VWA8: variants seen among roughly 807,000 people sequenced by gnomAD.
VWA8 encodes von Willebrand factor A domain containing 8.
A neutral mutation model predicts 241.5 loss-of-function variants in VWA8; 221 were observed. That is an observed-to-expected ratio of 0.91 (90% CI 0.82 to 1.02). VWA8 has a LOEUF of 1.02. Among genes scored for constraint, VWA8 ranks in the 50% least tolerant of loss-of-function variants. The probability of loss-of-function intolerance (pLI) is 0.00; values close to 1 mark genes in which losing one functional copy is unlikely to be tolerated. For missense variants in VWA8, 2,322 were observed against 2,328.7 expected (o/e 1.00, Z 0.06); for synonymous variants, 852 against 827.1 (o/e 1.03, Z -0.52).
chr13:41,711,645 C>T (rs1159909065), intron 26 of VWA8, among the ~76,000 whole-genome samples: 1 of 152,090 alleles, frequency 6.6e-6, no homozygotes, highest in East Asian at 1.9e-4. Flanking sequence ...GAGGCCAAGG[C>T]GGGCAGATCA....
intron 21 of VWA8, among the ~76,000 whole-genome samples, chr13:41,748,448 C>T (rs1431181115): frequency 1.3e-5 from 2 of 151,966 alleles, no homozygotes; most frequent in Non-Finnish European, 2.9e-5. Flanking sequence ...GGCGATATCC[C>T]CTTTATCATT....
At chr13:41,748,802 C>G (rs941295161) in intron 21 of VWA8, among the ~76,000 whole-genome samples, 3 of 152,222 alleles carry the variant, frequency 2.0e-5, no homozygotes, top group South Asian at 4.1e-4. Flanking sequence ...AACTGGCTAG[C>G]CATATGTAGA....
At chr13:41,698,038 T>G (rs2045226531) in intron 29 of VWA8, among the ~76,000 whole-genome samples, 2 of 152,252 alleles carry the variant, frequency 1.3e-5, no homozygotes, top group South Asian at 4.1e-4. Flanking sequence ...CTAAAATCTT[T>G]GTTTAAATAT....
At chr13:41,958,252 T>G (rs1449823984) in intron 1 of VWA8, among the ~76,000 whole-genome samples, 6 of 152,190 alleles carry the variant, frequency 3.9e-5, no homozygotes, top group Non-Finnish European at 8.8e-5. Context: ...AAACGACAAT[T>G]CCAGCCTCTC....
At chr13:41,741,636 A>C (rs760704030) in intron 21 of VWA8, among the ~76,000 whole-genome samples, 2 of 152,216 alleles carry the variant, frequency 1.3e-5, no homozygotes, top group Non-Finnish European at 2.9e-5. Flanking sequence ...TGCCTTCAAC[A>C]TTGTAGGCAT....
chr13:41,905,433 T>C (rs150793164), intron 4 of VWA8, among the ~76,000 whole-genome samples: 27 of 152,190 alleles, frequency 1.8e-4, no homozygotes, highest in Admixed American at 5.9e-4. Context: ...CCTGGTAAAA[T>C]TATACTATAA....
At chr13:41,848,715 C>T (rs1297542838) in intron 12 of VWA8, among the ~76,000 whole-genome samples, 2 of 152,204 alleles carry the variant, frequency 1.3e-5, no homozygotes, top group African/African-American at 2.4e-5. Context: ...TTAAAATTAA[C>T]TAGTCTTGGG....
chr13:41,569,520 G>A (rs987455121), intron 44 of VWA8, among the ~76,000 whole-genome samples: 2 of 152,120 alleles, frequency 1.3e-5, no homozygotes, highest in East Asian at 1.9e-4. Flanking sequence ...TTACAGCAAG[G>A]CAAAGGGAAT....
intron 33 of VWA8, 110 bp from the exon 34 acceptor site, chr13:41,689,618 G>T: frequency 1.8e-6 from 2 of 1,124,742 alleles, no homozygotes; most frequent in Non-Finnish European, 2.3e-6. Flanking sequence ...AGTTAAAAAA[G>T]AGAAAACATT....
At position 41,749,038 on chromosome 13, in the gene VWA8, C is replaced by G. The variant is rs946678066; in HGVS notation, c.2426+12090G>C. Among the ~76,000 whole-genome samples, 22 of 152,210 alleles carry G rather than the reference C, an allele frequency of 1.4e-4. No individual in the cohort carries two copies. The East Asian group carries it at 4.1e-3, about 28-fold the overall frequency. On this transcript the variant is annotated intron_variant, in intron 21 of 44. Transcript: ENST00000379310. The stretch of plus-strand genomic sequence containing the variant: ...CTAATTAAACTAAAGAGCTTCTGCA[C>G]AGCAAAAGAAACTACCATCAGAGTG...
intron 2 of VWA8, among the ~76,000 whole-genome samples, chr13:41,938,692 TC>T: frequency 6.6e-6 from 1 of 151,914 alleles, no homozygotes; most frequent in Non-Finnish European, 1.5e-5. Context: ...CAAAGAAAAT[TC>T]TTTCATAATG....
chr13:41,675,366 A>G, intron 35 of VWA8, 70 bp from the exon 36 acceptor site: 1 of 1,175,946 alleles, frequency 8.5e-7, no homozygotes. Context: ...CTAAAAGTGG[A>G]ATCAAGTTAT....
intron 39 of VWA8, among the ~76,000 whole-genome samples, chr13:41,607,957 G>A (rs1446062899): frequency 2.0e-5 from 3 of 152,058 alleles, no homozygotes; most frequent in Non-Finnish European, 2.9e-5. Context: ...ACTACTGTGT[G>A]TGTGTGTGTG....
At chr13:41,832,273 G>A (rs1347595564) in intron 13 of VWA8, among the ~76,000 whole-genome samples, 1 of 152,142 alleles carries the variant, frequency 6.6e-6, no homozygotes, top group African/African-American at 2.4e-5. Context: ...TGATTCCAAG[G>A]TTGAGAACCT....
chr13:41,570,380 C>A, intron 44 of VWA8, 88 bp downstream of exon 44: 1 of 1,214,578 alleles, frequency 8.2e-7, no homozygotes. Flanking sequence ...CTCACTGTCC[C>A]TCATGGTGCT....
chr13:41,707,962 G>A (rs1242653343), intron 26 of VWA8, among the ~76,000 whole-genome samples: 6 of 152,064 alleles, frequency 3.9e-5, no homozygotes, highest in African/African-American at 9.7e-5. Context: ...GAAACTCTTA[G>A]AATAAATTTC....
chr13:41,857,385 C>T (rs944735406), intron 12 of VWA8, among the ~76,000 whole-genome samples: 2 of 152,118 alleles, frequency 1.3e-5, no homozygotes, highest in African/African-American at 4.8e-5. Flanking sequence ...TACAGAGAAG[C>T]ATCCATATCA....
intron 26 of VWA8, among the ~76,000 whole-genome samples, chr13:41,714,918 A>T (rs1413002219): frequency 1.3e-5 from 2 of 151,966 alleles, no homozygotes; most frequent in African/African-American, 4.8e-5. Context: ...TTAAGCCAAA[A>T]CTATTGATAA....
In VWA8 at chr13:41,882,981, T is replaced by C. The variant is rs139685822; in HGVS notation, c.1080+406A>G. 1.7e-3 allele frequency among the ~76,000 whole-genome samples: 264 copies of C among 152,312 alleles called. 2 individuals carry two copies. Among genetic ancestry groups the C allele is most frequent in the African/African-American group, 5.8e-3 (242 of 41,562 alleles). ...GTTCATATATATTGTTTAAAAAAAG[T>C]CATGATTCATAATAACACCAATTCC... is the stretch of plus-strand genomic sequence containing the variant. On this transcript the variant is annotated intron_variant, in intron 9 of 44. Coordinates refer to ENST00000379310, the MANE Select transcript of VWA8 (RefSeq NM_015058.2).
Sources: allele counts gnomAD v4.1 joint callset (sites outside exome capture counted in the v4.1 genomes callset), GRCh38; gene constraint gnomAD v4.1.1; transcripts MANE v1.5; gene names NCBI Gene and HGNC (gene_info 2026-07-23, HGNC 2026-07-21).